CDH18: variants seen among roughly 807,000 people sequenced by gnomAD.
CDH18 encodes cadherin-18.
Under a neutral mutation model 67.9 loss-of-function variants are expected in CDH18, and 31 were observed. That is an observed-to-expected ratio of 0.46 (90% CI 0.34 to 0.62). The LOEUF (loss-of-function observed/expected upper bound fraction) is 0.62. CDH18 is among the 20% of genes least tolerant of loss of function. The pLI, the probability that CDH18 is intolerant of heterozygous loss-of-function variation, is 0.01. For synonymous variants in CDH18, 362 were observed against 347.2 expected, an observed-to-expected ratio of 1.04 and a Z score of -0.48; for missense variants, 890 against 975.5, an observed-to-expected ratio of 0.91 and a Z score of 1.17.
chr5:19,831,415 A>C (rs772179894), intron 3 of CDH18, among the ~76,000 whole-genome samples: 2 of 152,042 alleles, frequency 1.3e-5, no homozygotes, highest in Non-Finnish European at 2.9e-5. Context: ...ATAAGAGAAA[A>C]AGCAAAAAAC....
chr5:19,613,656 C>A (rs1047390020), intron 5 of CDH18, among the ~76,000 whole-genome samples: 1 of 152,098 alleles, frequency 6.6e-6, no homozygotes, highest in Admixed American at 6.5e-5. Context: ...TACATAAACA[C>A]CCACCTCTAC....
chr5:20,571,722 C>T (rs1758832060), intron 1 of CDH18, among the ~76,000 whole-genome samples: 1 of 152,130 alleles, frequency 6.6e-6, no homozygotes, highest in African/African-American at 2.4e-5. Context: ...TGAGCAACTT[C>T]TACACTGATA....
intron 1 of CDH18, among the ~76,000 whole-genome samples, chr5:20,386,971 C>T (rs1744363781): frequency 6.6e-6 from 1 of 152,052 alleles, no homozygotes; most frequent in South Asian, 2.1e-4. Context: ...AGAAGTTCTG[C>T]ACCTCTTTTC....
chr5:20,146,678 C>T (rs1375506806), intron 2 of CDH18, among the ~76,000 whole-genome samples: 1 of 149,474 alleles, frequency 6.7e-6, no homozygotes, highest in Non-Finnish European at 1.5e-5. Context: ...TAACTTTTAC[C>T]ACAAACAAAA....
At chr5:20,213,775 C>A (rs1580493963) in intron 2 of CDH18, among the ~76,000 whole-genome samples, 1 of 152,058 alleles carries the variant, frequency 6.6e-6, no homozygotes, top group East Asian at 1.9e-4. Context: ...TGAATTTTTT[C>A]TCTTTTCTTA....
At position 20,213,185 on chromosome 5, in the gene CDH18, T is replaced by C. The variant is rs559970274; in HGVS notation, c.-518+42259A>G. On this transcript the variant is annotated intron_variant, in intron 2 of 14. Coordinates refer to the CDH18 transcript ENST00000507958. ...TTACGTAACTTACTTTAAATATTGT[T>C]GTATCTCAGAGAATAGGGAGGCCTA... 3.9e-5 allele frequency among the ~76,000 whole-genome samples: 6 copies of C among 152,240 alleles called. No individual in the cohort carries two copies. In the East Asian group the frequency reaches 1.2e-3, roughly 29 times the overall value.
At chr5:20,387,251 G>A (rs550592404) in intron 1 of CDH18, among the ~76,000 whole-genome samples, 2 of 152,234 alleles carry the variant, frequency 1.3e-5, no homozygotes, top group South Asian at 4.1e-4. Context: ...ATTGAGCAGT[G>A]GTTTGTAGTT....
chr5:20,186,274 C>G (rs1044170040), intron 2 of CDH18, among the ~76,000 whole-genome samples: 1 of 151,612 alleles, frequency 6.6e-6, no homozygotes, highest in African/African-American at 2.4e-5. Context: ...CACAACAACA[C>G]AAGAAAAAAT....
chr5:20,173,389 G>A (rs760676998), intron 2 of CDH18, among the ~76,000 whole-genome samples: 10 of 152,138 alleles, frequency 6.6e-5, no homozygotes, highest in Admixed American at 5.2e-4. Flanking sequence ...AAGAAAGAAC[G>A]AGAAGACCTC....
intron 2 of CDH18, among the ~76,000 whole-genome samples, chr5:19,902,209 C>T (rs1193513908): frequency 6.6e-6 from 1 of 152,140 alleles, no homozygotes; most frequent in Non-Finnish European, 1.5e-5. Flanking sequence ...TAGAACGACA[C>T]ATTTTTAACC....
intron 10 of CDH18, among the ~76,000 whole-genome samples, chr5:19,519,327 T>C (rs1024011142): frequency 6.6e-6 from 1 of 152,214 alleles, no homozygotes; most frequent in African/African-American, 2.4e-5. Context: ...AGCCTCACAA[T>C]TGTCCCTCAT....
At chr5:19,772,034 T>C (rs1581271295) in intron 3 of CDH18, among the ~76,000 whole-genome samples, 2 of 152,198 alleles carry the variant, frequency 1.3e-5, no homozygotes, top group South Asian at 4.1e-4. Flanking sequence ...TTTTCCATTC[T>C]ATATGTTTTT....
intron 2 of CDH18, among the ~76,000 whole-genome samples, chr5:20,234,602 T>C (rs754127818): frequency 6.6e-6 from 1 of 152,114 alleles, no homozygotes; most frequent in African/African-American, 2.4e-5. Context: ...TCTCGGACTT[T>C]CCAGGTTCCT....
chr5:20,215,032 T>C (rs902978244), intron 2 of CDH18, among the ~76,000 whole-genome samples: 1 of 152,002 alleles, frequency 6.6e-6, no homozygotes, highest in Non-Finnish European at 1.5e-5. Flanking sequence ...GCAAAGGACA[T>C]GAACGGACAC....
chr5:20,339,782 G>A (rs1225201393), intron 1 of CDH18, among the ~76,000 whole-genome samples: 1 of 152,144 alleles, frequency 6.6e-6, no homozygotes, highest in Non-Finnish European at 1.5e-5. Flanking sequence ...ATGCTGATAT[G>A]TATATAGAAG....
Position 19,511,211 on chromosome 5 carries a change from C to T in CDH18, c.1513-8102G>A, listed in dbSNP as rs576207442. Among the ~76,000 whole-genome samples, 21 of 152,174 alleles carry T rather than the reference C, an allele frequency of 1.4e-4. 1 individual carries two copies. The South Asian group carries it at 4.4e-3, about 32-fold the overall frequency. ...GCCTTGCTTCCCCTTGGCTTTCCCC[C>T]GTGATTGTAAGTTTCCTGAGGCTTC... is the stretch of plus-strand genomic sequence containing the variant. On this transcript the variant is annotated intron_variant, in intron 10 of 12. Coordinates refer to ENST00000382275, the MANE Select transcript of CDH18 (RefSeq NM_004934.5).
chr5:19,953,856 T>A (rs1422589884), intron 2 of CDH18, among the ~76,000 whole-genome samples: 1 of 152,020 alleles, frequency 6.6e-6, no homozygotes, highest in African/African-American at 2.4e-5. Context: ...GTTATCTGTA[T>A]GGGGAGGGGA....
chr5:20,516,207 A>G (rs1442521171), intron 1 of CDH18, among the ~76,000 whole-genome samples: 1 of 152,048 alleles, frequency 6.6e-6, no homozygotes, highest in Non-Finnish European at 1.5e-5. Context: ...TAAGTAAAAA[A>G]TAGAATTTGC....
chr5:20,245,418 T>C (rs566689886), intron 2 of CDH18, among the ~76,000 whole-genome samples: 22 of 152,170 alleles, frequency 1.4e-4, no homozygotes, highest in African/African-American at 5.3e-4. Flanking sequence ...AAAAAGAAAA[T>C]AGCTGTCAAA....
Sources: allele counts gnomAD v4.1 joint callset (sites outside exome capture counted in the v4.1 genomes callset), GRCh38; gene constraint gnomAD v4.1.1; transcripts MANE v1.5; gene names NCBI Gene and HGNC (gene_info 2026-07-23, HGNC 2026-07-21).